The following FCSK variants were observed in gnomAD, a reference collection of about 807,000 sequenced individuals.
The protein encoded by FCSK is L-fucose kinase.
A neutral mutation model predicts 122.5 loss-of-function variants in FCSK; 123 were observed. That is an observed-to-expected ratio of 1.00 (90% CI 0.87 to 1.17). FCSK has a LOEUF of 1.17. Ranked by LOEUF, FCSK falls within the 50% of genes most tolerant of loss-of-function variation. The pLI is 0.00. For synonymous variants in FCSK, 620 were observed against 625.5 expected, an observed-to-expected ratio of 0.99 and a Z score of 0.13; for missense variants, 1,366 against 1,450.4, an observed-to-expected ratio of 0.94 and a Z score of 0.95.
Position 70,471,805 on chromosome 16 carries a change from G to A in FCSK, c.1341+453G>A, listed in dbSNP as rs1381175904. On this transcript the variant is annotated intron_variant, in intron 13 of 23. Transcript: ENST00000288078. ...TCGCCATGCTAGTCTGGTTGGGTGG[G>A]GTTGTTGTTTTTTTTTTTTTTTTTG... Among the ~76,000 whole-genome samples the A allele has an allele frequency of 2.1e-5, 3 of 146,262 alleles. No homozygotes were observed. The East Asian group carries it at 5.9e-4, about 29-fold the overall frequency.
chr16:70,466,219 T>G lies in FCSK; in HGVS notation c.373T>G (p.Cys125Gly), dbSNP rs2048414261. The G allele has an allele frequency of 6.2e-7, 1 of 1,613,956 alleles. No individual in the cohort carries two copies. Among genetic ancestry groups the G allele is most frequent in the Non-Finnish European group, 8.5e-7 (1 of 1,179,886 alleles). The change falls in exon 5 of 24, where the codon TGC becomes GGC. Residue 125 changes from cysteine to glycine, a missense_variant. Coordinates refer to ENST00000288078, the MANE Select transcript of FCSK (RefSeq NM_145059.3). ...NPEAPVEALV[C>G]NLDCLLDIMT... is the part of the protein sequence containing the mutation. ...CGAGGCCCCCGTGGAAGCCTTGGTC[T>G]GCAACCTGGACTGCCTGCTGGACAT...
intron 10 of FCSK, 139 bp downstream of exon 10, chr16:70,469,462 C>T (rs1030850655): frequency 1.4e-6 from 1 of 707,662 alleles, no homozygotes; most frequent in Non-Finnish European, 2.2e-6. Flanking sequence ...CCAGAGCCCC[C>T]CACTGAGCTA....
At chr16:70,467,190 C>T (rs947931582) in intron 6 of FCSK, 184 bp from the exon 7 acceptor site, 5 of 622,984 alleles carry the variant, frequency 8.0e-6, no homozygotes, top group African/African-American at 7.4e-5. Context: ...CAGGGCTCTG[C>T]GGAAGAACTT....
chr16:70,473,100 G>T lies in FCSK; in HGVS notation c.1524G>T (p.Met508Ile). The T allele has an allele frequency of 6.3e-7, 1 of 1,587,752 alleles. No individual in the cohort carries two copies. Among genetic ancestry groups the T allele is most frequent in the Admixed American group, 1.8e-5 (1 of 56,648 alleles). Residue 508 changes from methionine to isoleucine, a missense_variant, in exon 15 of 24, where the codon ATG (methionine) becomes ATT (isoleucine). Physicochemically the swap from Met to Ile is conservative, Grantham distance 10. Transcript: ENST00000288078. The surrounding 1 kb of genome is among the most constrained non-coding windows in gnomAD (Gnocchi z 4.9). Reference sequence around the variant, plus strand: ...TGGGACCCCAGGACCTGCTGTGGATGCTGGACCACCAGGAGGATGGGGGCG... The same window carrying T: ...TGGGACCCCAGGACCTGCTGTGGATTCTGGACCACCAGGAGGATGGGGGCG... ...RELGPQDLLW[M>I]LDHQEDGGEA...
At chr16:70,456,219 T>C (rs2048091553) in intron 1 of FCSK, among the ~76,000 whole-genome samples, 2 of 152,216 alleles carry the variant, frequency 1.3e-5, no homozygotes, top group South Asian at 4.1e-4. Context: ...GCCTGTGCTA[T>C]TAAAGCAATG....
intron 20 of FCSK, 186 bp from the exon 21 acceptor site, chr16:70,478,086 A>C: frequency 1.1e-5 from 7 of 609,356 alleles, no homozygotes; most frequent in Non-Finnish European, 2.0e-5. Flanking sequence ...TTTGCCCTAG[A>C]GTGAAGCCCA....
Position 70,468,024 on chromosome 16 carries a change from G to C in FCSK, c.663+58G>C, listed in dbSNP as rs1335450405. On this transcript the variant is annotated intron_variant, in intron 8 of 23. Transcript: ENST00000288078. ...GGGGACCTTATGGGACAGGGAGGGAGGGTCTGACTTCCTTCGATTCCTTCT... is the reference window on the plus strand; with the variant it reads ...GGGGACCTTATGGGACAGGGAGGGACGGTCTGACTTCCTTCGATTCCTTCT... 3.1e-6 allele frequency: 4 copies of C among 1,302,094 alleles called. No homozygotes were observed. The East Asian group carries it at 9.2e-5, about 30-fold the overall frequency. 80.7% of individuals were successfully genotyped at this position (1,302,094 alleles called of 1,614,324 possible).
chr16:70,460,173 G>C (rs758170196), intron 1 of FCSK, among the ~76,000 whole-genome samples: 1 of 146,638 alleles, frequency 6.8e-6, no homozygotes, highest in Non-Finnish European at 1.5e-5. Flanking sequence ...GTGCAGTGGC[G>C]TGATCTCTGC....
chr16:70,472,892 T>C, intron 14 of FCSK, 91 bp from the exon 15 acceptor site: 1 of 1,452,076 alleles, frequency 6.9e-7, no homozygotes, highest in South Asian at 1.4e-5. Flanking sequence ...GAGTCTGTCC[T>C]GTCCCCATGA....
intron 1 of FCSK, 53 bp downstream of exon 1, chr16:70,454,683 T>TTGCGCCCCCTGCGCCCCCTGCGCCCCC (rs569559493): frequency 1.3e-5 from 2 of 150,248 alleles, no homozygotes; most frequent in African/African-American, 4.9e-5. Context: ...CTTGCGCCCC[T>TTGCGCCCCCTGCGCCCCCTGCGCCCCC]TGCGCCCCCT....
intron 4 of FCSK, among the ~76,000 whole-genome samples, chr16:70,465,422 G>T (rs986127525): frequency 1.3e-5 from 2 of 151,434 alleles, no homozygotes; most frequent in African/African-American, 4.9e-5. Flanking sequence ...ACTTTGGGAG[G>T]CCAAGGCGGG....
At position 70,467,469 on chromosome 16, in the gene FCSK, C is replaced by T; in HGVS notation, c.580C>T (p.Gln194Ter). Residue 194 changes from glutamine (Q) to a stop codon, truncating the protein, a stop_gained and splice_region_variant, in exon 7 of 24, where the codon CAG becomes TAG. Transcript: ENST00000288078. LOFTEE classifies it high-confidence loss of function. ...QNHGVYLTDP[Q>*]GLVLDIYYQG... is the part of the protein sequence containing the mutation. ...TCATGGCGTCTACCTAACTGACCCC[C>T]AGGTAGTGCCCCTGGGGACAGTGGA... The T allele has an allele frequency of 6.3e-7, 1 of 1,592,984 alleles. No individual in the cohort carries two copies. Among genetic ancestry groups the T allele is most frequent in the Non-Finnish European group, 8.5e-7 (1 of 1,170,466 alleles).
At chr16:70,463,077 C>A in intron 1 of FCSK, 92 bp from the exon 2 acceptor site, 2 of 763,226 alleles carry the variant, frequency 2.6e-6, no homozygotes, top group East Asian at 2.8e-5. Flanking sequence ...AATCTATACA[C>A]ATGTTAAAAT....
rs1289195895 is a variant in FCSK at position 70,463,282 on chromosome 16, T to A, written c.82+10T>A. ...CAGGTCTTTCAGAGAGGTAGGGGAC[T>A]CCCCTTCCCACCTTGCCCCTAATGG... is the stretch of plus-strand genomic sequence containing the variant. On this transcript the variant is annotated intron_variant, in intron 2 of 23. Transcript: ENST00000288078. 1 of 1,608,444 alleles carries A rather than the reference T, an allele frequency of 6.2e-7. No individual in the cohort carries two copies. Among genetic ancestry groups the A allele is most frequent in the East Asian group, 2.2e-5 (1 of 44,806 alleles).
At position 70,478,295 on chromosome 16, in the gene FCSK, G is replaced by A. The variant is rs769612865; in HGVS notation, c.2665G>A (p.Gly889Ser). 6.2e-7 allele frequency: 1 copy of A among 1,614,128 alleles called. No individual in the cohort carries two copies. The highest frequency in any genetic ancestry group is 8.5e-7 in the Non-Finnish European group (1 of 1,180,024). Residue 889 changes from glycine (G) to serine (S), a missense_variant, in exon 21 of 24, where the codon GGT becomes AGT. Gly to Ser is a moderately conservative substitution (Grantham distance 56, BLOSUM62 0). Coordinates refer to ENST00000288078, the MANE Select transcript of FCSK (RefSeq NM_145059.3). ...AGGAGGTGGCTGGCAGGACCAAGTAGGTGGCCTAATGCCTGGCATCAAGGT... is the reference window on the plus strand; with the variant it reads ...AGGAGGTGGCTGGCAGGACCAAGTAAGTGGCCTAATGCCTGGCATCAAGGT... Reference protein sequence around the residue: ...TTGGGWQDQVGGLMPGIKVGR... With the variant: ...TTGGGWQDQVSGLMPGIKVGR...
chr16:70,472,424 T>G, intron 13 of FCSK, 117 bp from the exon 14 acceptor site: 1 of 751,554 alleles, frequency 1.3e-6, no homozygotes, highest in Non-Finnish European at 2.2e-6. Context: ...AAGTATGTTC[T>G]TTGTCTGTCT....
intron 1 of FCSK, among the ~76,000 whole-genome samples, chr16:70,457,182 C>G (rs924482546): frequency 2.6e-5 from 4 of 152,168 alleles, no homozygotes; most frequent in African/African-American, 9.7e-5. Context: ...TGACCTGTCA[C>G]CTGCCCATGT....
At chr16:70,478,896 C>T in intron 22 of FCSK, 2 of 697,998 alleles carry the variant, frequency 2.9e-6, no homozygotes, top group Non-Finnish European at 2.6e-6. Flanking sequence ...AGGGACTCAA[C>T]CCATGGCTGA....
At position 70,466,960 on chromosome 16, in the gene FCSK, C is replaced by G. The variant is rs889288413; in HGVS notation, c.484+6C>G. 2.5e-6 allele frequency: 4 copies of G among 1,612,682 alleles called. No homozygotes were observed. The highest frequency in any genetic ancestry group is 3.4e-6 in the Non-Finnish European group (4 of 1,179,392). Reference sequence around the variant, plus strand: ...GTCTGTTCCTGCAAATCCTGGTGAGCCTGAGACTACCTGGGACTGCCTTCC... The same window carrying G: ...GTCTGTTCCTGCAAATCCTGGTGAGGCTGAGACTACCTGGGACTGCCTTCC... On this transcript the variant is annotated splice_donor_region_variant and intron_variant, in intron 6 of 23. Transcript: ENST00000288078.
Sources: gnomAD v4.1 joint callset for allele counts (sites outside exome capture counted in the v4.1 genomes callset) on GRCh38, gnomAD v4.1.1 for gene constraint, Gnocchi (gnomAD v3.1) non-coding constraint, MANE v1.5 for transcripts, NCBI Gene and HGNC (gene_info 2026-07-23, HGNC 2026-07-21) for gene names.